Variants in DOCK3 observed in about 807,000 individuals in gnomAD.
DOCK3 encodes dedicator of cytokinesis protein 3.
DOCK3 carries 60 observed loss-of-function variants against 265.6 expected under a neutral mutation model. The observed-to-expected ratio is 0.23, with a 90% CI of 0.18 to 0.28. The LOEUF (loss-of-function observed/expected upper bound fraction) is 0.28. Ranked by LOEUF, DOCK3 falls within the 10% of genes least tolerant of loss-of-function variation. The probability of loss-of-function intolerance (pLI) is 1.00; values close to 1 mark genes in which losing one functional copy is unlikely to be tolerated. For missense variants in DOCK3, 1,981 were observed against 2,594.3 expected, an observed-to-expected ratio of 0.76 and a Z score of 5.14; for synonymous variants, 881 against 938.0, an observed-to-expected ratio of 0.94 and a Z score of 1.11.
chr3:50,896,694 A>G (rs886922829), intron 4 of DOCK3, among the ~76,000 whole-genome samples: 7 of 152,156 alleles, frequency 4.6e-5, no homozygotes, highest in Non-Finnish European at 8.8e-5. Context: ...GTCCAGTTTC[A>G]GTTTTCTGCA....
At chr3:50,697,758 A>G (rs1055625034) in intron 1 of DOCK3, among the ~76,000 whole-genome samples, 1 of 152,166 alleles carries the variant, frequency 6.6e-6, no homozygotes, top group Non-Finnish European at 1.5e-5. Flanking sequence ...CATTATGATT[A>G]TAATTCTCAA....
At chr3:51,325,386 G>A (rs1171653614) in intron 32 of DOCK3, among the ~76,000 whole-genome samples, 3 of 152,126 alleles carry the variant, frequency 2.0e-5, no homozygotes, top group African/African-American at 7.2e-5. Context: ...CAGTTAGAAT[G>A]ACAGTCATTA....
At chr3:51,255,923 T>C (rs868302718) in intron 22 of DOCK3, among the ~76,000 whole-genome samples, 1 of 152,224 alleles carries the variant, frequency 6.6e-6, no homozygotes, top group South Asian at 2.1e-4. Context: ...AGGAGCTGTG[T>C]TCCTTTGGAG....
intron 9 of DOCK3, among the ~76,000 whole-genome samples, chr3:51,110,182 CAAAT>C (rs534375828): frequency 5.9e-5 from 9 of 151,930 alleles, no homozygotes; most frequent in East Asian, 1.9e-4. Context: ...GCCTACCAGC[CAAAT>C]AAATAAATAA....
At chr3:51,064,742 G>A (rs2081532962) in intron 6 of DOCK3, 146 bp downstream of exon 6, 3 of 1,106,758 alleles carry the variant, frequency 2.7e-6, no homozygotes, top group Non-Finnish European at 3.7e-6. Flanking sequence ...TTTGCTAGGA[G>A]CAGTTATTTG....
intron 9 of DOCK3, among the ~76,000 whole-genome samples, chr3:51,146,027 C>T (rs888889236): frequency 5.3e-5 from 8 of 152,238 alleles, no homozygotes; most frequent in African/African-American, 1.9e-4. Context: ...TGTCCACCTG[C>T]TGCTCACCTG....
intron 6 of DOCK3, among the ~76,000 whole-genome samples, chr3:51,066,406 A>C (rs943662870): frequency 6.6e-6 from 1 of 152,240 alleles, no homozygotes; most frequent in Non-Finnish European, 1.5e-5. Flanking sequence ...GGTTTTAGAC[A>C]GAAAAATAGT....
chr3:50,803,117 C>T lies in DOCK3; in HGVS notation c.121+24359C>T, dbSNP rs9813134. On this transcript the variant is annotated intron_variant, in intron 2 of 52. Transcript: ENST00000266037. ...TTATTGATCATTCTTGGGTGTTTCT[C>T]GGAGACGGGGATTTGGCAGGGTCGT... Among the ~76,000 whole-genome samples the T allele has an allele frequency of 2.8e-3, 422 of 150,166 alleles. 3 individuals are homozygous for T. Among genetic ancestry groups the T allele is most frequent in the African/African-American group, 9.9e-3 (402 of 40,736 alleles).
intron 14 of DOCK3, among the ~76,000 whole-genome samples, chr3:51,216,823 A>C (rs2089813757): frequency 6.6e-6 from 1 of 152,164 alleles, no homozygotes; most frequent in Non-Finnish European, 1.5e-5. Context: ...TGTGTTAAGA[A>C]GTCCTTAGGA....
intron 38 of DOCK3, 71 bp downstream of exon 38, chr3:51,341,456 G>A (rs759633665): frequency 4.0e-5 from 63 of 1,583,416 alleles, no homozygotes; most frequent in Non-Finnish European, 5.4e-5. Flanking sequence ...GACACCATAG[G>A]GTTAACAGCA....
intron 5 of DOCK3, among the ~76,000 whole-genome samples, chr3:50,945,484 T>C (rs73081159): frequency 0.046 from 7,001 of 152,210 alleles, 222 homozygotes; most frequent in Non-Finnish European, 0.069. Context: ...ATATAAGAGA[T>C]TATGTTTTAT....
At chr3:51,189,423 C>T (rs771482018) in intron 12 of DOCK3, among the ~76,000 whole-genome samples, 4 of 152,068 alleles carry the variant, frequency 2.6e-5, no homozygotes, top group Admixed American at 6.6e-5. Context: ...TCCCACCCTC[C>T]CCTTTCTGAG....
At chr3:51,106,933 A>T (rs1429088099) in intron 9 of DOCK3, among the ~76,000 whole-genome samples, 1 of 152,222 alleles carries the variant, frequency 6.6e-6, no homozygotes, top group Non-Finnish European at 1.5e-5. Context: ...CACCATATGA[A>T]GTACTTTGGT....
At chr3:51,365,116 A>G (rs935465081) in intron 49 of DOCK3, among the ~76,000 whole-genome samples, 3 of 152,226 alleles carry the variant, frequency 2.0e-5, no homozygotes, top group African/African-American at 7.2e-5. Context: ...ATCCATGAGC[A>G]TGGAATGTTG....
chr3:50,861,854 G>GT lies in DOCK3; in HGVS notation c.162+20155dup, dbSNP rs61401631. Among the ~76,000 whole-genome samples, 637 of 114,366 alleles carry GT rather than the reference G, an allele frequency of 5.6e-3. 5 individuals carry two copies. The highest frequency in any genetic ancestry group is 8.8e-3 in the South Asian group (32 of 3,646). 75.0% of individuals were successfully genotyped at this position (114,366 alleles called of 152,430 possible). A position where few individuals can be genotyped will look rare whatever the true frequency, so the allele number is the denominator to read the frequency against. ...TGAGATGGCAGCAGAAGGTTGGGTC[G>GT]TTTTTTTTTTTTTTTTAAATACAAA... is the stretch of plus-strand genomic sequence containing the variant. On this transcript the variant is annotated intron_variant, in intron 3 of 52. Coordinates refer to ENST00000266037, the MANE Select transcript of DOCK3 (RefSeq NM_004947.5).
intron 7 of DOCK3, among the ~76,000 whole-genome samples, chr3:51,079,941 A>G (rs1244376956): frequency 2.0e-5 from 3 of 152,202 alleles, no homozygotes; most frequent in Non-Finnish European, 4.4e-5. Flanking sequence ...ATTATCATGT[A>G]TTGGGATTTG....
intron 2 of DOCK3, among the ~76,000 whole-genome samples, chr3:50,809,143 C>T (rs527528487): frequency 2.0e-5 from 3 of 152,050 alleles, no homozygotes; most frequent in South Asian, 2.1e-4. Context: ...TTCAAAAGAT[C>T]GTTAAGTAGA....
chr3:51,348,510 G>A (rs1326289059), intron 38 of DOCK3, among the ~76,000 whole-genome samples: 1 of 152,198 alleles, frequency 6.6e-6, no homozygotes, highest in Non-Finnish European at 1.5e-5. Context: ...TCATCTGATT[G>A]AGACTAATAC....
In DOCK3 at chr3:50,877,383, G is replaced by A. The variant is rs1336518227; in HGVS notation, c.163-12643G>A. On this transcript the variant is annotated intron_variant, in intron 3 of 52. Coordinates refer to ENST00000266037, the MANE Select transcript of DOCK3 (RefSeq NM_004947.5). ...GTATCTTCATCATAATCCAGTTATGGTCAGGGTCAAGATTATAGCTGCTTC... is the reference window on the plus strand; with the variant it reads ...GTATCTTCATCATAATCCAGTTATGATCAGGGTCAAGATTATAGCTGCTTC... 7.8e-6 allele frequency: 4 copies of A among 515,254 alleles called. No individual in the cohort carries two copies. In the East Asian group the frequency reaches 1.6e-4, roughly 21 times the overall value. The allele number at this position is 515,254 out of a possible 1,614,324, so 31.9% of individuals were successfully genotyped here. A position where few individuals can be genotyped will look rare whatever the true frequency, so the allele number is the denominator to read the frequency against.
Sources: gnomAD v4.1 joint callset for allele counts (sites outside exome capture counted in the v4.1 genomes callset) on GRCh38, gnomAD v4.1.1 for gene constraint, MANE v1.5 for transcripts, NCBI Gene and HGNC (gene_info 2026-07-23, HGNC 2026-07-21) for gene names.